Variants in CALN1 observed in about 807,000 individuals in gnomAD.
CALN1 encodes the protein calneuron 1, also known as calcium-binding protein 8.
A neutral mutation model predicts 30.6 loss-of-function variants in CALN1; 17 were observed. That is an observed-to-expected ratio of 0.56 (90% CI 0.38 to 0.83). The LOEUF is 0.83. CALN1 is among the 40% of genes least tolerant of loss of function. The pLI, the probability that CALN1 is intolerant of heterozygous loss-of-function variation, is 0.00. For missense variants in CALN1, 291 were observed against 354.9 expected, an observed-to-expected ratio of 0.82 and a Z score of 1.45; for synonymous variants, 156 against 131.4, an observed-to-expected ratio of 1.19 and a Z score of -1.28.
intron 3 of CALN1, among the ~76,000 whole-genome samples, chr7:72,177,929 A>G (rs1186731501): frequency 6.6e-6 from 1 of 152,048 alleles, no homozygotes; most frequent in African/African-American, 2.4e-5. Flanking sequence ...CCAGGGCAAC[A>G]ATAAAAGAAC....
At chr7:72,315,314 C>A (rs914370285) in intron 2 of CALN1, among the ~76,000 whole-genome samples, 1 of 151,922 alleles carries the variant, frequency 6.6e-6, no homozygotes, top group South Asian at 2.1e-4. Flanking sequence ...GACCAATGAA[C>A]AGACATAAAA....
chr7:72,214,934 G>T (rs2129548465), intron 3 of CALN1, among the ~76,000 whole-genome samples: 1 of 151,744 alleles, frequency 6.6e-6, no homozygotes, highest in South Asian at 2.1e-4. Context: ...TCCCAGATAG[G>T]ACTATCTAGT....
intron 1 of CALN1, among the ~76,000 whole-genome samples, chr7:72,418,622 C>T (rs558709498): frequency 1.2e-4 from 19 of 152,172 alleles, no homozygotes; most frequent in East Asian, 9.7e-4. Flanking sequence ...GCTTCCCCGC[C>T]CCGGCTCACA....
At chr7:72,014,310 C>T (rs1800258757) in intron 5 of CALN1, among the ~76,000 whole-genome samples, 2 of 152,274 alleles carry the variant, frequency 1.3e-5, no homozygotes, top group Middle Eastern at 3.4e-3. Flanking sequence ...TGGTCTCAAA[C>T]TCCTGACCTC....
chr7:72,322,988 A>C (rs1335248420), intron 2 of CALN1, among the ~76,000 whole-genome samples: 2 of 151,124 alleles, frequency 1.3e-5, no homozygotes, highest in African/African-American at 4.9e-5. Flanking sequence ...GTGGGAACAG[A>C]AAAAGGACAG....
chr7:72,123,432 C>G (rs1808526238), intron 3 of CALN1, among the ~76,000 whole-genome samples: 2 of 152,176 alleles, frequency 1.3e-5, no homozygotes, highest in African/African-American at 4.8e-5. Flanking sequence ...CATTTTAACT[C>G]ATATCAACCT....
intron 4 of CALN1, among the ~76,000 whole-genome samples, chr7:72,064,111 G>A (rs560118422): frequency 1.1e-4 from 17 of 150,724 alleles, no homozygotes; most frequent in Admixed American, 5.3e-4. Flanking sequence ...CCGTCTCTAC[G>A]TCTCTACTAC....
intron 5 of CALN1, among the ~76,000 whole-genome samples, chr7:71,883,622 G>A (rs1183317951): frequency 6.6e-6 from 1 of 152,164 alleles, no homozygotes; most frequent in Admixed American, 6.5e-5. Flanking sequence ...GGTTAACCCT[G>A]TTCCTGGAAT....
At chr7:72,359,660 G>A (rs538296838) in intron 2 of CALN1, among the ~76,000 whole-genome samples, 1 of 152,050 alleles carries the variant, frequency 6.6e-6, no homozygotes, top group African/African-American at 2.4e-5. Flanking sequence ...ACTCAATCAA[G>A]TGGAGGAACC....
At chr7:72,234,457 GT>G (rs1234065209) in intron 3 of CALN1, among the ~76,000 whole-genome samples, 1 of 151,684 alleles carries the variant, frequency 6.6e-6, no homozygotes, top group African/African-American at 2.4e-5. Flanking sequence ...TTGTTTTTTT[GT>G]TTTTTTGAGA....
At chr7:72,266,837 G>A (rs1311957510) in intron 3 of CALN1, among the ~76,000 whole-genome samples, 1 of 152,108 alleles carries the variant, frequency 6.6e-6, no homozygotes, top group African/African-American at 2.4e-5. Context: ...AGAAATCCCT[G>A]CTCTGCCCTG....
At chr7:72,038,599 G>A (rs1801944018) in intron 4 of CALN1, among the ~76,000 whole-genome samples, 1 of 152,042 alleles carries the variant, frequency 6.6e-6, no homozygotes, top group Non-Finnish European at 1.5e-5. Flanking sequence ...ATTTCCAGAT[G>A]GTGAGGCATT....
At chr7:72,312,634 C>T (rs1043597107) in intron 2 of CALN1, among the ~76,000 whole-genome samples, 4 of 151,754 alleles carry the variant, frequency 2.6e-5, no homozygotes, top group African/African-American at 7.3e-5. Flanking sequence ...GCCTCAGGTT[C>T]AGAAAATTCA....
At chr7:72,364,998 A>C (rs1401434862) in intron 2 of CALN1, among the ~76,000 whole-genome samples, 2 of 149,888 alleles carry the variant, frequency 1.3e-5, no homozygotes, top group Non-Finnish European at 3.0e-5. Flanking sequence ...GGTGAAACCC[A>C]GTCTCTACTA....
At chr7:72,074,283 G>A (rs1201881749) in intron 4 of CALN1, among the ~76,000 whole-genome samples, 3 of 152,178 alleles carry the variant, frequency 2.0e-5, no homozygotes, top group Non-Finnish European at 2.9e-5. Context: ...TGTTTCCAGA[G>A]AGAAGACACA....
intron 2 of CALN1, among the ~76,000 whole-genome samples, chr7:72,318,565 G>T (rs892142123): frequency 6.6e-6 from 1 of 152,036 alleles, no homozygotes; most frequent in Non-Finnish European, 1.5e-5. Flanking sequence ...TTTTGAGATG[G>T]TGTCTTGCTC....
At chr7:71,790,120 G>T (rs1038631700) in intron 6 of CALN1, among the ~76,000 whole-genome samples, 7 of 144,640 alleles carry the variant, frequency 4.8e-5, no homozygotes, top group African/African-American at 1.8e-4. Flanking sequence ...GAGAGAGAGA[G>T]AGAAGAAAGA....
chr7:72,486,032 C>T, the CALN1 span, among the ~76,000 whole-genome samples: 422 of 152,232 alleles, frequency 2.8e-3, 5 homozygotes, highest in African/African-American at 9.9e-3. Context: ...CATCACAGAA[C>T]GTACTTACAG....
intron 5 of CALN1, among the ~76,000 whole-genome samples, chr7:71,997,657 G>C (rs918130289): frequency 6.6e-6 from 1 of 151,938 alleles, no homozygotes; most frequent in Admixed American, 6.5e-5. Context: ...TAAAAACTCA[G>C]AAAAATTCTA....
Sources: allele counts gnomAD v4.1 joint callset (sites outside exome capture counted in the v4.1 genomes callset), GRCh38; gene constraint gnomAD v4.1.1; transcripts MANE v1.5; gene names NCBI Gene and HGNC (gene_info 2026-07-23, HGNC 2026-07-21).